The following TSPAN19 variants were observed in gnomAD, a reference collection of about 807,000 sequenced individuals.
TSPAN19 encodes the protein tetraspanin 19, also known as tetraspanin-19.
In TSPAN19, 44 loss-of-function variants were observed where a neutral mutation model predicts 35.1. The observed-to-expected ratio is 1.25, with a 90% CI of 0.98 to 1.61. The LOEUF is 1.61. TSPAN19 is among the 40% of genes most tolerant of loss of function. TSPAN19 has a pLI of 0.00. For missense variants in TSPAN19, 290 were observed against 280.0 expected (o/e 1.04, Z -0.26); for synonymous variants, 79 against 92.0 (o/e 0.86, Z 0.81).
intron 1 of TSPAN19, 123 bp from the exon 2 acceptor site, chr12:85,030,096 T>C: frequency 2.7e-6 from 2 of 753,058 alleles, no homozygotes; most frequent in South Asian, 6.2e-5. Context: ...CATACTTCCA[T>C]CTCTAAATGA....
At chr12:85,032,663 T>C (rs1162099504) in intron 1 of TSPAN19, among the ~76,000 whole-genome samples, 1 of 152,174 alleles carries the variant, frequency 6.6e-6, no homozygotes, top group East Asian at 1.9e-4. Context: ...GTTGGCTTTT[T>C]CAGCCATAAG....
chr12:85,014,590 T>A (rs1440991986), intron 8 of TSPAN19, 35 bp from the exon 9 acceptor site: 2 of 1,466,554 alleles, frequency 1.4e-6, no homozygotes, highest in Non-Finnish European at 1.9e-6. Context: ...GATTAAAATT[T>A]AATCAATGAT....
chr12:85,030,935 T>C (rs988915692), intron 1 of TSPAN19, among the ~76,000 whole-genome samples: 1 of 152,174 alleles, frequency 6.6e-6, no homozygotes, highest in Non-Finnish European at 1.5e-5. Context: ...TTTTAATATA[T>C]GTAGCGCATG....
intron 4 of TSPAN19, chr12:85,024,872 A>G (rs1877317521): frequency 6.6e-6 from 1 of 151,976 alleles, no homozygotes; most frequent in Non-Finnish European, 1.5e-5. Context: ...GATTTACTGT[A>G]TTATTTATTT....
chr12:85,032,255 A>T (rs1877721076), intron 1 of TSPAN19, among the ~76,000 whole-genome samples: 1 of 152,094 alleles, frequency 6.6e-6, no homozygotes, highest in Non-Finnish European at 1.5e-5. Flanking sequence ...AACCAGTGTC[A>T]TGGGTGTGAA....
At chr12:85,032,430 G>C (rs1305373995) in intron 1 of TSPAN19, among the ~76,000 whole-genome samples, 1 of 152,158 alleles carries the variant, frequency 6.6e-6, no homozygotes, top group African/African-American at 2.4e-5. Flanking sequence ...GACAGTTCTA[G>C]ATCATGGTGT....
At chr12:85,030,251 A>G (rs2135815975) in intron 1 of TSPAN19, among the ~76,000 whole-genome samples, 1 of 152,278 alleles carries the variant, frequency 6.6e-6, no homozygotes, top group East Asian at 1.9e-4. Context: ...ATAACAAGTC[A>G]AGTAGCCTTA....
In TSPAN19 at chr12:85,017,595, T is replaced by C. The variant is rs1325106227; in HGVS notation, c.455A>G (p.Gln152Arg). 6.4e-6 allele frequency: 10 copies of C among 1,558,642 alleles called. No homozygotes were observed. The highest frequency in any genetic ancestry group is 8.7e-6 in the Non-Finnish European group (10 of 1,153,304). Residue 152 changes from glutamine (Q) to arginine (R), a missense_variant, in exon 7 of 9, where the codon CAG (glutamine) becomes CGG (arginine). Transcript: ENST00000532498. Reference sequence around the variant, plus strand: ...TGTGTAATTATGTTGGCCACAACACTGTAACTAGGAAAAAGCTTATATGAA... The same window carrying C: ...TGTGTAATTATGTTGGCCACAACACCGTAACTAGGAAAAAGCTTATATGAA... Reference protein sequence around the residue: ...TILNALQKTLQCCGQHNYTDW... With the variant: ...TILNALQKTLRCCGQHNYTDW...
chr12:85,014,577 A>C, intron 8 of TSPAN19, 22 bp from the exon 9 acceptor site: 2 of 1,542,710 alleles, frequency 1.3e-6, no homozygotes, highest in Non-Finnish European at 1.8e-6. Context: ...GGGAACAATA[A>C]GAGATTAAAA....
At chr12:85,028,504 A>G (rs1162104283) in intron 3 of TSPAN19, among the ~76,000 whole-genome samples, 3 of 152,180 alleles carry the variant, frequency 2.0e-5, no homozygotes, top group African/African-American at 7.2e-5. Context: ...GAGATTATAT[A>G]TATTTATCCA....
At chr12:85,024,926 A>G (rs1022398082) in intron 4 of TSPAN19, among the ~76,000 whole-genome samples, 6 of 152,104 alleles carry the variant, frequency 3.9e-5, no homozygotes, top group African/African-American at 4.8e-5. Context: ...TTAATTACAC[A>G]TATTTTATAC....
chr12:85,029,434 G>T (rs184754375), intron 3 of TSPAN19, among the ~76,000 whole-genome samples: 62 of 152,154 alleles, frequency 4.1e-4, no homozygotes, highest in African/African-American at 1.4e-3. Flanking sequence ...ATTTTTGTGT[G>T]TTGGGAATAT....
rs1877019862 is a variant in TSPAN19 at position 85,019,747 on chromosome 12, T to C, written c.340-11A>G. The C allele has an allele frequency of 2.0e-6, 3 of 1,525,378 alleles. No individual in the cohort carries two copies. The highest frequency in any genetic ancestry group is 2.8e-5 in the African/African-American group (2 of 71,420). 94.5% of individuals were successfully genotyped at this position (1,525,378 alleles called of 1,614,324 possible). A position where few individuals can be genotyped will look rare whatever the true frequency, so the allele number is the denominator to read the frequency against. ...CCATAGTTGCTGAACCTGTAGAAAA[T>C]TGTATTAAAAATGAAAATTTCATAG... On this transcript the variant is annotated splice_polypyrimidine_tract_variant and intron_variant, in intron 5 of 8. Coordinates refer to ENST00000532498, the MANE Select transcript of TSPAN19 (RefSeq NM_001100917.2).
At chr12:85,023,587 T>C (rs1877242687) in intron 4 of TSPAN19, among the ~76,000 whole-genome samples, 187 bp from the exon 5 acceptor site, 1 of 152,012 alleles carries the variant, frequency 6.6e-6, no homozygotes, top group African/African-American at 2.4e-5. Flanking sequence ...AAAAAACAAA[T>C]GAACATTTGG....
intron 8 of TSPAN19, chr12:85,015,527 A>G (rs1245750556): frequency 6.7e-6 from 1 of 149,360 alleles, no homozygotes; most frequent in African/African-American, 2.7e-5. Context: ...TCTTACTGCC[A>G]ATATATGAAC....
intron 5 of TSPAN19, among the ~76,000 whole-genome samples, chr12:85,021,997 A>G (rs1488219746): frequency 1.3e-5 from 2 of 152,114 alleles, no homozygotes; most frequent in Non-Finnish European, 2.9e-5. Flanking sequence ...TATTTCTAAT[A>G]TATAGAGAGA....
At chr12:85,028,078 T>G in intron 3 of TSPAN19, 55 bp from the exon 4 acceptor site, 7 of 1,351,458 alleles carry the variant, frequency 5.2e-6, no homozygotes, top group Middle Eastern at 2.7e-4. Flanking sequence ...TGAAGTGGTA[T>G]TTTATTTATT....
At chr12:85,018,926 T>C (rs1876963175) in intron 6 of TSPAN19, among the ~76,000 whole-genome samples, 1 of 151,830 alleles carries the variant, frequency 6.6e-6, no homozygotes, top group Middle Eastern at 3.2e-3. Context: ...ATGTTTGGTA[T>C]TTTTTTAATT....
chr12:85,034,875 C>G (rs1565771995), intron 1 of TSPAN19, among the ~76,000 whole-genome samples: 1 of 152,014 alleles, frequency 6.6e-6, no homozygotes, highest in South Asian at 2.1e-4. Flanking sequence ...CACTGTTTTT[C>G]TTTTTTGCTG....
Sources: gnomAD v4.1 joint callset for allele counts (sites outside exome capture counted in the v4.1 genomes callset) on GRCh38, gnomAD v4.1.1 for gene constraint, MANE v1.5 for transcripts, NCBI Gene and HGNC (gene_info 2026-07-23, HGNC 2026-07-21) for gene names.